The following SLC9C1 variants were observed in gnomAD, a reference collection of about 807,000 sequenced individuals.
SLC9C1 encodes solute carrier family 9 member C1.
In SLC9C1, 97 loss-of-function variants were observed where a neutral mutation model predicts 140.9. That is an observed-to-expected ratio of 0.69 (90% confidence interval 0.58 to 0.82). The LOEUF (loss-of-function observed/expected upper bound fraction) is 0.82, where lower values mean the gene tolerates loss of function less well. SLC9C1 is among the 40% of genes least tolerant of loss of function. The probability of loss-of-function intolerance (pLI) is 0.00; values close to 1 mark genes in which losing one functional copy is unlikely to be tolerated. For missense variants in SLC9C1, 1,340 were observed against 1,389.3 expected (o/e 0.96, Z 0.56); for synonymous variants, 440 against 442.6 (o/e 0.99, Z 0.07).
chr3:112,217,778 A>G (rs2078425693), intron 14 of SLC9C1, among the ~76,000 whole-genome samples: 1 of 152,132 alleles, frequency 6.6e-6, no homozygotes, highest in South Asian at 2.1e-4. Context: ...AAAATTGGAG[A>G]TACATGGTTG....
chr3:112,169,468 ATGTGT>A (rs1298723080), intron 23 of SLC9C1, 140 bp from the exon 24 acceptor site: 36 of 796,026 alleles, frequency 4.5e-5, no homozygotes, highest in Non-Finnish European at 5.1e-5. Context: ...ACTTAGTAAA[ATGTGT>A]CTATCAATGA....
chr3:112,164,202 C>CT (rs1165154342), intron 26 of SLC9C1, among the ~76,000 whole-genome samples: 1 of 151,664 alleles, frequency 6.6e-6, no homozygotes, highest in African/African-American at 2.4e-5. Context: ...ATACAGCACA[C>CT]TGATGGGTCT....
rs370609068 is a variant in SLC9C1, at chr3:112,204,389, C to T, written c.2001G>A (p.Arg667=). Residue 667 remains arginine (R), a synonymous_variant, in exon 17 of 29, where the codon AGG becomes AGA. Coordinates refer to ENST00000305815, the MANE Select transcript of SLC9C1 (RefSeq NM_183061.3). The part of the protein sequence containing the change: ...LEALLKIAAM[R]KDFFSHAWNI... ...TCCAGGCATGTGAAAAAAAGTCCTT[C>T]CTCATTGCTGCTATCTGTTGATTTA... 57 of 1,569,010 alleles carry T rather than the reference C, an allele frequency of 3.6e-5. No homozygotes were observed. The highest frequency in any genetic ancestry group is 4.0e-5 in the Admixed American group (2 of 49,530).
intron 14 of SLC9C1, among the ~76,000 whole-genome samples, chr3:112,220,855 G>A (rs984398675): frequency 5.9e-5 from 4 of 67,780 alleles, no homozygotes; most frequent in African/African-American, 1.4e-4. Flanking sequence ...CTTTTGGCAG[G>A]GGGGGACAAA....
Position 112,225,020 on chromosome 3 carries a change from C to T in SLC9C1, c.1573-3795G>A, listed in dbSNP as rs552588336. Among the ~76,000 whole-genome samples the T allele has an allele frequency of 2.1e-4, 32 of 152,170 alleles. No individual in the cohort carries two copies. The East Asian group carries it at 6.2e-3, about 29-fold the overall frequency. ...CAAGTTTTTGAAAAGATATAGACAT[C>T]TAGATCCAGGAAGGTCAAATATCCC... On this transcript the variant is annotated intron_variant, in intron 13 of 28. Coordinates refer to ENST00000305815, the MANE Select transcript of SLC9C1 (RefSeq NM_183061.3).
intron 7 of SLC9C1, among the ~76,000 whole-genome samples, 157 bp downstream of exon 7, chr3:112,269,759 A>G (rs1227982697): frequency 6.6e-6 from 1 of 152,098 alleles, no homozygotes; most frequent in East Asian, 1.9e-4. Context: ...ATAGATATTC[A>G]TATGTTTAAT....
chr3:112,279,632 G>C (rs572856865), intron 3 of SLC9C1, among the ~76,000 whole-genome samples: 1 of 152,286 alleles, frequency 6.6e-6, no homozygotes, highest in East Asian at 1.9e-4. Flanking sequence ...TGGAAGAATA[G>C]GCAAGAGAGC....
At chr3:112,261,794 T>G (rs912953075) in intron 10 of SLC9C1, among the ~76,000 whole-genome samples, 1 of 152,050 alleles carries the variant, frequency 6.6e-6, no homozygotes, top group African/African-American at 2.4e-5. Flanking sequence ...ATGTGCCAAG[T>G]GTTTTATGTA....
chr3:112,209,773 T>C (rs1459987011), intron 15 of SLC9C1, among the ~76,000 whole-genome samples: 2 of 152,186 alleles, frequency 1.3e-5, no homozygotes. Flanking sequence ...ATAGTTAGGA[T>C]TAATGTTAAC....
At chr3:112,231,121 CGTCT>C (rs1482858009) in intron 13 of SLC9C1, among the ~76,000 whole-genome samples, 2 of 96,664 alleles carry the variant, frequency 2.1e-5, no homozygotes, top group Admixed American at 1.3e-4. Context: ...CTCTGTCTTT[CGTCT>C]CTCTCTCTCT....
intron 13 of SLC9C1, among the ~76,000 whole-genome samples, chr3:112,223,931 G>A (rs2078609429): frequency 1.3e-5 from 2 of 152,282 alleles, no homozygotes; most frequent in South Asian, 4.1e-4. Flanking sequence ...GTCAAGTGAA[G>A]CAGCAAAATG....
At chr3:112,258,518 C>A (rs1209659693) in intron 10 of SLC9C1, among the ~76,000 whole-genome samples, 3 of 152,068 alleles carry the variant, frequency 2.0e-5, no homozygotes, top group African/African-American at 7.2e-5. Flanking sequence ...ACGGCAACCT[C>A]CACCTTTAGG....
intron 8 of SLC9C1, among the ~76,000 whole-genome samples, chr3:112,265,778 C>T (rs1297064902): frequency 6.6e-6 from 1 of 152,028 alleles, no homozygotes; most frequent in Non-Finnish European, 1.5e-5. Context: ...CTTCAAATGC[C>T]CCAGCTTACT....
intron 10 of SLC9C1, among the ~76,000 whole-genome samples, chr3:112,247,951 G>GT (rs1559711309): frequency 6.6e-6 from 1 of 151,520 alleles, no homozygotes; most frequent in Non-Finnish European, 1.5e-5. Flanking sequence ...TCTTAAATAT[G>GT]GACTAGACGT....
intron 23 of SLC9C1, among the ~76,000 whole-genome samples, chr3:112,169,989 A>G (rs553151169): frequency 1.1e-4 from 17 of 152,278 alleles, no homozygotes; most frequent in Admixed American, 3.9e-4. Flanking sequence ...AAAAAAATCA[A>G]CTCAACATGG....
intron 20 of SLC9C1, among the ~76,000 whole-genome samples, chr3:112,186,374 A>G (rs2077540420): frequency 6.6e-6 from 1 of 152,158 alleles, no homozygotes. Context: ...TTTTTTGTGT[A>G]TGGTATAAGA....
intron 20 of SLC9C1, among the ~76,000 whole-genome samples, chr3:112,192,093 G>A (rs759211243): frequency 9.3e-5 from 14 of 150,376 alleles, no homozygotes; most frequent in Admixed American, 2.0e-4. Flanking sequence ...TAAAATACAC[G>A]TAACATAAAA....
intron 1 of SLC9C1, among the ~76,000 whole-genome samples, chr3:112,293,381 C>T (rs556935727): frequency 6.6e-6 from 1 of 152,118 alleles, no homozygotes; most frequent in South Asian, 2.1e-4. Context: ...TGAATTTGTC[C>T]TTGTCAGTCA....
At chr3:112,193,460 G>A (rs1369389038) in intron 20 of SLC9C1, among the ~76,000 whole-genome samples, 1 of 152,172 alleles carries the variant, frequency 6.6e-6, no homozygotes, top group Non-Finnish European at 1.5e-5. Flanking sequence ...TTCTGGTGCA[G>A]GGCATTCAGC....
Sources: gnomAD v4.1 joint callset for allele counts (sites outside exome capture counted in the v4.1 genomes callset) on GRCh38, gnomAD v4.1.1 for gene constraint, MANE v1.5 for transcripts, NCBI Gene and HGNC (gene_info 2026-07-23, HGNC 2026-07-21) for gene names.